Variants in EXOC4 observed in about 807,000 individuals in gnomAD.
The protein encoded by EXOC4 is exocyst complex component 4, also known as SEC8-like 1.
In EXOC4, 71 loss-of-function variants were observed where a neutral mutation model predicts 107.2. The ratio of observed to expected loss-of-function variants is 0.66; its 90% confidence interval spans 0.55 to 0.81. The LOEUF is 0.81. Among genes scored for constraint, EXOC4 ranks in the 30% least tolerant of loss-of-function variants. The pLI is 0.00. For synonymous variants in EXOC4, 456 were observed against 441.2 expected (o/e 1.03, Z -0.42); for missense variants, 1,108 against 1,189.6 (o/e 0.93, Z 1.01).
intron 9 of EXOC4, among the ~76,000 whole-genome samples, chr7:133,523,683 A>G (rs962974562): frequency 2.6e-5 from 4 of 152,012 alleles, no homozygotes; most frequent in African/African-American, 9.6e-5. Flanking sequence ...ATGAGTGAGA[A>G]TATGTGGTAT....
chr7:133,810,923 G>A (rs1364664593), intron 10 of EXOC4, among the ~76,000 whole-genome samples: 2 of 152,030 alleles, frequency 1.3e-5, no homozygotes, highest in African/African-American at 2.4e-5. Flanking sequence ...ATGAGCTACC[G>A]CGCCCGGCCA....
intron 17 of EXOC4, among the ~76,000 whole-genome samples, chr7:134,012,441 A>G (rs1426909979): frequency 6.6e-6 from 1 of 152,234 alleles, no homozygotes; most frequent in African/African-American, 2.4e-5. Flanking sequence ...TGAACCAAAG[A>G]CTACAAAGTT....
chr7:133,923,215 A>C lies in EXOC4; in HGVS notation c.2027+5477A>C, dbSNP rs6467510. Among the ~76,000 whole-genome samples, 537 of 148,104 alleles carry C rather than the reference A, an allele frequency of 3.6e-3. 2 individuals are homozygous for C. Among genetic ancestry groups the C allele is most frequent in the Non-Finnish European group, 4.8e-3 (321 of 67,200 alleles). On this transcript the variant is annotated intron_variant, in intron 13 of 17. Transcript: ENST00000253861. ...GCAATCTCAGCCCACTGCAACTGCC[A>C]CCTTCTGGTTTCAAGAGATTCTCCT... is the stretch of plus-strand genomic sequence containing the variant.
At chr7:133,902,753 G>C (rs1404565387) in intron 12 of EXOC4, among the ~76,000 whole-genome samples, 1 of 152,070 alleles carries the variant, frequency 6.6e-6, no homozygotes, top group Non-Finnish European at 1.5e-5. Flanking sequence ...TACTCAGGAG[G>C]CTGAGGCAGG....
chr7:133,498,016 C>T (rs1056752441), intron 9 of EXOC4, among the ~76,000 whole-genome samples: 7 of 152,018 alleles, frequency 4.6e-5, no homozygotes, highest in African/African-American at 9.7e-5. Context: ...TGATGATAGC[C>T]CCCTGAGGAA....
intron 10 of EXOC4, among the ~76,000 whole-genome samples, chr7:133,645,204 G>C (rs1347595760): frequency 6.6e-6 from 1 of 150,518 alleles, no homozygotes; most frequent in Admixed American, 6.7e-5. Context: ...TGATTCTCCT[G>C]CCTCAGCCTC....
At chr7:133,346,933 A>C (rs1405063710) in intron 5 of EXOC4, among the ~76,000 whole-genome samples, 1 of 152,104 alleles carries the variant, frequency 6.6e-6, no homozygotes, top group Non-Finnish European at 1.5e-5. Flanking sequence ...TATGAAGTAA[A>C]ATACTGAAGT....
At chr7:133,283,511 A>G (rs978687890) in intron 2 of EXOC4, among the ~76,000 whole-genome samples, 3 of 152,170 alleles carry the variant, frequency 2.0e-5, no homozygotes, top group African/African-American at 7.2e-5. Flanking sequence ...TATTGACTTC[A>G]ATTCCTTTTG....
At chr7:133,271,883 AT>A in intron 1 of EXOC4, among the ~76,000 whole-genome samples, 1 of 152,144 alleles carries the variant, frequency 6.6e-6, no homozygotes, top group African/African-American at 2.4e-5. Flanking sequence ...CATTCTTGAC[AT>A]TAAGGAGGAA....
chr7:133,844,290 G>A (rs959744455), intron 11 of EXOC4, among the ~76,000 whole-genome samples: 1 of 143,608 alleles, frequency 7.0e-6, no homozygotes, highest in Admixed American at 7.0e-5. Context: ...AATTGCCTGT[G>A]TTGAAATCCA....
rs537214822 is a variant in EXOC4, at chr7:133,508,109, A to AT, written c.1417+27981dup. Among the ~76,000 whole-genome samples the AT allele has an allele frequency of 7.2e-4, 108 of 150,350 alleles. No homozygotes were observed. The South Asian group carries it at 8.2e-3, about 11-fold the overall frequency. On this transcript the variant is annotated intron_variant, in intron 9 of 17. Transcript: ENST00000253861. ...AGAAAAATCAGTAACAAATACACAGATTTTTTTTTTATCCATGACTACAAA... is the reference window on the plus strand; with the variant it reads ...AGAAAAATCAGTAACAAATACACAGATTTTTTTTTTTATCCATGACTACAAA...
At chr7:133,607,795 C>G (rs558736424) in intron 9 of EXOC4, among the ~76,000 whole-genome samples, 1 of 152,286 alleles carries the variant, frequency 6.6e-6, no homozygotes, top group Non-Finnish European at 1.5e-5. Context: ...TTAGTGCCTG[C>G]TATATGCTAT....
At chr7:133,375,529 A>G (rs1252657113) in intron 7 of EXOC4, among the ~76,000 whole-genome samples, 2 of 152,270 alleles carry the variant, frequency 1.3e-5, no homozygotes, top group Non-Finnish European at 2.9e-5. Context: ...TAAAAATAGA[A>G]GCATATTCTC....
intron 9 of EXOC4, among the ~76,000 whole-genome samples, chr7:133,599,341 C>G (rs938456809): frequency 1.3e-5 from 2 of 152,214 alleles, no homozygotes; most frequent in African/African-American, 4.8e-5. Context: ...AAGATGAATA[C>G]AGCTGGGCAT....
At chr7:133,455,923 G>A (rs1798453401) in intron 7 of EXOC4, among the ~76,000 whole-genome samples, 2 of 152,106 alleles carry the variant, frequency 1.3e-5, no homozygotes, top group Non-Finnish European at 2.9e-5. Flanking sequence ...TTTATTAACT[G>A]AGAATTATTG....
At chr7:133,631,685 G>A (rs1444774659) in intron 10 of EXOC4, among the ~76,000 whole-genome samples, 1 of 151,896 alleles carries the variant, frequency 6.6e-6, no homozygotes, top group African/African-American at 2.4e-5. Flanking sequence ...TTTCTCTGTA[G>A]GTTTAGTTGA....
At chr7:133,655,092 T>C (rs1803257471) in intron 10 of EXOC4, among the ~76,000 whole-genome samples, 2 of 152,190 alleles carry the variant, frequency 1.3e-5, no homozygotes. Context: ...GTAAACACTG[T>C]ACACTTGAGT....
At chr7:133,728,623 G>A (rs1185993825) in intron 10 of EXOC4, among the ~76,000 whole-genome samples, 1 of 152,094 alleles carries the variant, frequency 6.6e-6, no homozygotes, top group East Asian at 1.9e-4. Flanking sequence ...GTAATTTACA[G>A]TATGTGCCAC....
the EXOC4 span, among the ~76,000 whole-genome samples, chr7:134,082,181 ATT>A: frequency 2.0e-5 from 3 of 151,336 alleles, no homozygotes; most frequent in African/African-American, 2.4e-5. Context: ...CTGGTTGCCC[ATT>A]TTTTTTTTGG....
Sources: allele counts gnomAD v4.1 joint callset (sites outside exome capture counted in the v4.1 genomes callset), GRCh38; gene constraint gnomAD v4.1.1; transcripts MANE v1.5; gene names NCBI Gene and HGNC (gene_info 2026-07-23, HGNC 2026-07-21).